The following EOGT variants were observed in gnomAD, a reference collection of about 807,000 sequenced individuals.
EOGT encodes EGF domain specific O-linked N-acetylglucosamine transferase, also known as EGF domain-specific O-linked N-acetylglucosamine transferase.
EOGT carries 55 observed loss-of-function variants against 70.5 expected under a neutral mutation model. The ratio of observed to expected loss-of-function variants is 0.78; its 90% CI spans 0.63 to 0.98. EOGT has a LOEUF of 0.98. Ranked by LOEUF, EOGT falls within the 50% of genes least tolerant of loss-of-function variation. The pLI, the probability that EOGT is intolerant of heterozygous loss-of-function variation, is 0.00. For missense variants in EOGT, 703 were observed against 641.9 expected, an observed-to-expected ratio of 1.10 and a Z score of -1.03; for synonymous variants, 246 against 217.1, an observed-to-expected ratio of 1.13 and a Z score of -1.17.
intron 1 of EOGT, among the ~76,000 whole-genome samples, chr3:69,013,130 AC>A (rs2091617147): frequency 6.6e-6 from 1 of 151,762 alleles, no homozygotes; most frequent in Admixed American, 6.6e-5. Context: ...AGTGGCGAGC[AC>A]CCCGCCGCGG....
At chr3:68,982,785 G>A (rs2090686887) in intron 15 of EOGT, 26 bp downstream of exon 15, 2 of 1,568,088 alleles carry the variant, frequency 1.3e-6, no homozygotes, top group East Asian at 2.3e-5. Context: ...AGTTGACAGT[G>A]TCTGCTGAGA....
chr3:68,990,313 C>T (rs1186485495), intron 10 of EOGT, among the ~76,000 whole-genome samples: 1 of 150,924 alleles, frequency 6.6e-6, no homozygotes, highest in Admixed American at 6.6e-5. Context: ...TGCCTTTCAG[C>T]AGGAATTAGT....
At chr3:68,981,305 C>G (rs2090633410) in intron 15 of EOGT, among the ~76,000 whole-genome samples, 1 of 152,178 alleles carries the variant, frequency 6.6e-6, no homozygotes, top group Non-Finnish European at 1.5e-5. Flanking sequence ...GACTGGTGAC[C>G]AGCTCATGGG....
At chr3:69,009,164 T>C (rs1272684398) in intron 4 of EOGT, among the ~76,000 whole-genome samples, 2 of 152,174 alleles carry the variant, frequency 1.3e-5, no homozygotes, top group Non-Finnish European at 2.9e-5. Flanking sequence ...CCCTGTGAGA[T>C]GTCTTAATGG....
intron 10 of EOGT, among the ~76,000 whole-genome samples, chr3:68,989,898 G>T (rs987962062): frequency 4.0e-5 from 6 of 151,474 alleles, no homozygotes; most frequent in Admixed American, 1.3e-4. Flanking sequence ...CTATGATCAT[G>T]CCATATACTC....
At chr3:69,009,017 A>G (rs543134830) in intron 4 of EOGT, among the ~76,000 whole-genome samples, 1 of 152,324 alleles carries the variant, frequency 6.6e-6, no homozygotes, top group South Asian at 2.1e-4. Flanking sequence ...GCTGCTGGCC[A>G]AGGAGTTGAG....
intron 11 of EOGT, 166 bp from the exon 12 acceptor site, chr3:68,988,743 T>C (rs1299786936): frequency 3.1e-6 from 2 of 647,160 alleles, no homozygotes; most frequent in East Asian, 2.8e-5. Flanking sequence ...GGAAAGATTA[T>C]AGAAAAAACT....
intron 10 of EOGT, 148 bp downstream of exon 10, chr3:68,997,863 G>A (rs2091193466): frequency 1.8e-6 from 1 of 567,634 alleles, no homozygotes; most frequent in Non-Finnish European, 3.1e-6. Context: ...ACACATATAT[G>A]TACAGATACA....
Position 68,975,631 on chromosome 3 carries a change from G to T in EOGT, c.*1987C>A, listed in dbSNP as rs2090454061. The T allele has an allele frequency of 6.6e-6, 1 of 152,412 alleles. No individual in the cohort carries two copies. Among genetic ancestry groups the T allele is most frequent in the South Asian group, 2.1e-4 (1 of 4,836 alleles). The allele number at this position is 152,412 out of a possible 1,614,324, so 9.4% of individuals were successfully genotyped here. A position where few individuals can be genotyped will look rare whatever the true frequency, so the allele number is the denominator to read the frequency against. Reference sequence around the variant, plus strand: ...TTTCATCTGAAATATTTTCCCAGTGGTTACTCAGTATTTTGCACACAAAAA... The same window carrying T: ...TTTCATCTGAAATATTTTCCCAGTGTTTACTCAGTATTTTGCACACAAAAA... On this transcript the variant is annotated 3_prime_UTR_variant, in exon 18 of 18. Transcript: ENST00000383701.
At chr3:68,977,907 G>C in intron 17 of EOGT, 143 bp from the exon 18 acceptor site, 1 of 787,214 alleles carries the variant, frequency 1.3e-6, no homozygotes, top group South Asian at 1.9e-5. Flanking sequence ...ATAAGGGCCA[G>C]ATGATAAATA....
chr3:69,000,299 A>G (rs1281839114), intron 9 of EOGT, among the ~76,000 whole-genome samples: 1 of 152,188 alleles, frequency 6.6e-6, no homozygotes, highest in Non-Finnish European at 1.5e-5. Context: ...TAGGAAAGAA[A>G]TGAGACATGT....
intron 10 of EOGT, among the ~76,000 whole-genome samples, chr3:68,996,263 G>A (rs2091143780): frequency 6.6e-6 from 1 of 152,156 alleles, no homozygotes; most frequent in Admixed American, 6.5e-5. Context: ...AAAGTCTAGG[G>A]AGCAGTGATC....
At chr3:68,986,465 C>T (rs2107200863) in intron 14 of EOGT, among the ~76,000 whole-genome samples, 1 of 152,302 alleles carries the variant, frequency 6.6e-6, no homozygotes, top group South Asian at 2.1e-4. Context: ...TCTGTGGCCC[C>T]CTGCACCATG....
At chr3:68,986,525 T>C (rs2090812580) in intron 14 of EOGT, among the ~76,000 whole-genome samples, 2 of 152,174 alleles carry the variant, frequency 1.3e-5, no homozygotes, top group African/African-American at 4.8e-5. Flanking sequence ...TACAGTCATA[T>C]TGGTATTCTG....
chr3:69,011,289 G>A (rs910052283), intron 3 of EOGT, among the ~76,000 whole-genome samples: 3 of 148,726 alleles, frequency 2.0e-5, no homozygotes, highest in Non-Finnish European at 3.0e-5. Context: ...GGGTCATACC[G>A]GAAAACCCAA....
intron 9 of EOGT, among the ~76,000 whole-genome samples, chr3:68,999,726 T>G (rs1376305008): frequency 1.3e-5 from 2 of 152,324 alleles, no homozygotes; most frequent in Non-Finnish European, 2.9e-5. Flanking sequence ...AGGTTAGCCA[T>G]AGAGCACACA....
chr3:68,982,251 G>C (rs922247030), intron 15 of EOGT, among the ~76,000 whole-genome samples: 4 of 152,092 alleles, frequency 2.6e-5, no homozygotes, highest in Non-Finnish European at 5.9e-5. Flanking sequence ...CGGGTGTGGT[G>C]GCTCATGCCT....
chr3:68,987,047 G>A (rs2090831405), intron 14 of EOGT, among the ~76,000 whole-genome samples: 2 of 152,234 alleles, frequency 1.3e-5, no homozygotes, highest in South Asian at 4.1e-4. Context: ...GGTCATGTAA[G>A]AGGACAGAGA....
intron 10 of EOGT, among the ~76,000 whole-genome samples, chr3:68,991,128 C>T (rs1213196876): frequency 6.6e-6 from 1 of 152,194 alleles, no homozygotes; most frequent in Non-Finnish European, 1.5e-5. Flanking sequence ...CTGACTGATC[C>T]TTCCTCAGGG....
Sources: gnomAD v4.1 joint callset for allele counts (sites outside exome capture counted in the v4.1 genomes callset) on GRCh38, gnomAD v4.1.1 for gene constraint, MANE v1.5 for transcripts, NCBI Gene and HGNC (gene_info 2026-07-23, HGNC 2026-07-21) for gene names.